ZFP41: variants seen among roughly 807,000 people sequenced by gnomAD.
ZFP41 encodes zinc finger protein 41 homolog.
A neutral mutation model predicts 11.6 loss-of-function variants in ZFP41; 10 were observed. That is an observed-to-expected ratio of 0.86 (90% confidence interval 0.53 to 1.47). The LOEUF is 1.47. Among genes scored for constraint, ZFP41 ranks in the 40% most tolerant of loss-of-function variants. The probability of loss-of-function intolerance (pLI) is 0.00; values close to 1 mark genes in which losing one functional copy is unlikely to be tolerated. For synonymous variants in ZFP41, 123 were observed against 100.9 expected (o/e 1.22, Z -1.31); for missense variants, 302 against 264.6 (o/e 1.14, Z -0.98).
In ZFP41 at chr8:143,250,509, C is replaced by G; in HGVS notation, c.*69C>G. 3 of 1,554,384 alleles carry G rather than the reference C, an allele frequency of 1.9e-6. No individual in the cohort carries two copies. The highest frequency in any genetic ancestry group is 8.7e-7 in the Non-Finnish European group (1 of 1,150,630). ...CCGGACACCTGCTCCGTGGCTCCCT[C>G]GTGTCCCGCGTCTGATGGGGGCGCA... is the stretch of plus-strand genomic sequence containing the variant. On this transcript the variant is annotated 3_prime_UTR_variant, in exon 2 of 3. Coordinates refer to ENST00000330701, the MANE Select transcript of ZFP41 (RefSeq NM_173832.6).
rs1288361788 is a variant in ZFP41, at chr8:143,250,125, G to C, written c.282G>C (p.Arg94=). Residue 94 remains arginine, a synonymous_variant, in exon 2 of 3, where the codon CGG becomes CGC. Transcript: ENST00000330701. ...CCTATGAGTGCAGTGAGTGTGGGCG[G>C]ATCTTTAAGCACAAGACAGACCACA... The part of the protein sequence containing the change: ...KKPYECSECG[R]IFKHKTDHIR... 6.2e-7 allele frequency: 1 copy of C among 1,614,156 alleles called. No individual in the cohort carries two copies. The highest frequency in any genetic ancestry group is 8.5e-7 in the Non-Finnish European group (1 of 1,180,038).
rs1161168482 is a variant in ZFP41, at chr8:143,261,809, G to A, written c.*2935G>A. On this transcript the variant is annotated 3_prime_UTR_variant, in exon 3 of 3. Coordinates refer to ENST00000330701, the MANE Select transcript of ZFP41 (RefSeq NM_173832.6). Reference sequence around the variant, plus strand: ...TCTCCAGCAGCCCCTGCCCCCACCCGCACCCCTGCACCTGCCACGCCTGTC... The same window carrying A: ...TCTCCAGCAGCCCCTGCCCCCACCCACACCCCTGCACCTGCCACGCCTGTC... 237 of 183,682 alleles carry A rather than the reference G, an allele frequency of 1.3e-3. 3 individuals are homozygous for A. The highest frequency in any genetic ancestry group is 2.2e-3 in the Non-Finnish European group (207 of 94,122). The allele number at this position is 183,682 out of a possible 1,614,324, so 11.4% of individuals were successfully genotyped here. A position where few individuals can be genotyped will look rare whatever the true frequency, so the allele number is the denominator to read the frequency against.
At chr8:143,258,641 A>T (rs1473134247) in intron 2 of ZFP41, among the ~76,000 whole-genome samples, 9 of 152,244 alleles carry the variant, frequency 5.9e-5, no homozygotes, top group Admixed American at 3.9e-4. Context: ...AAAGACAAAT[A>T]TCTAAATAGA....
At chr8:143,259,503 C>T (rs1814988017) in intron 2 of ZFP41, among the ~76,000 whole-genome samples, 2 of 152,300 alleles carry the variant, frequency 1.3e-5, no homozygotes, top group South Asian at 4.1e-4. Context: ...TCCCACCTTC[C>T]TTAACGTTTT....
chr8:143,251,677 A>G (rs1814764094), intron 2 of ZFP41, among the ~76,000 whole-genome samples: 1 of 152,184 alleles, frequency 6.6e-6, no homozygotes. Context: ...GGACTAGGGT[A>G]CACTGCCCGG....
chr8:143,257,242 AG>A (rs1814935568), intron 2 of ZFP41, among the ~76,000 whole-genome samples: 1 of 152,274 alleles, frequency 6.6e-6, no homozygotes. Flanking sequence ...CTATAATCCC[AG>A]CACTTTGGGA....
At chr8:143,252,333 C>T (rs903553481) in intron 2 of ZFP41, among the ~76,000 whole-genome samples, 2 of 152,240 alleles carry the variant, frequency 1.3e-5, no homozygotes, top group South Asian at 2.1e-4. Flanking sequence ...TGGCTGCGGA[C>T]CCAGGCAGGC....
chr8:143,249,825 G>C lies in ZFP41; in HGVS notation c.-19G>C. On this transcript the variant is annotated 5_prime_UTR_variant, in exon 2 of 3. Transcript: ENST00000330701. ...AGGTCAGCAGCCCCTTAGCCCTCAC[G>C]CTTCCAAGGAACAGAATGATGGAGA... 6.4e-7 allele frequency: 1 copy of C among 1,559,314 alleles called. No individual in the cohort carries two copies. The highest frequency in any genetic ancestry group is 8.6e-7 in the Non-Finnish European group (1 of 1,158,216).
In ZFP41 at chr8:143,250,504, TCCCTCGTGTC is replaced by T; in HGVS notation, c.*67_*76del. ...CCTCGCCGGACACCTGCTCCGTGGC[TCCCTCGTGTC>T]CCGCGTCTGATGGGGGCGCAGGGCC... On this transcript the variant is annotated 3_prime_UTR_variant, in exon 2 of 3. Coordinates refer to ENST00000330701, the MANE Select transcript of ZFP41 (RefSeq NM_173832.6). 6.4e-7 allele frequency: 1 copy of T among 1,557,276 alleles called. No homozygotes were observed.
chr8:143,252,157 C>A lies in ZFP41; in HGVS notation c.*900+817C>A, dbSNP rs1814780416. Among the ~76,000 whole-genome samples, 5 of 152,380 alleles carry A rather than the reference C, an allele frequency of 3.3e-5. No homozygotes were observed. In the South Asian group the frequency reaches 1.0e-3, roughly 32 times the overall value. On this transcript the variant is annotated intron_variant, in intron 2 of 2. Transcript: ENST00000330701. ...ATAAAACTCCCGTAAATCCCAGAAC[C>A]ACACTGTCACCCACACTAGCTTTGC...
intron 2 of ZFP41, among the ~76,000 whole-genome samples, chr8:143,253,846 C>T (rs1814840159): frequency 6.6e-6 from 1 of 152,120 alleles, no homozygotes; most frequent in Non-Finnish European, 1.5e-5. Context: ...GCAGTGGTCC[C>T]CAACCTTCTT....
chr8:143,253,759 A>G (rs1814838137), intron 2 of ZFP41, among the ~76,000 whole-genome samples: 1 of 152,170 alleles, frequency 6.6e-6, no homozygotes, highest in African/African-American at 2.4e-5. Flanking sequence ...AGATCCCTCG[A>G]GAATGGCTTG....
Position 143,249,915 on chromosome 8 carries a change from G to A in ZFP41, c.72G>A (p.Ala24=), listed in dbSNP as rs368907725. The A allele has an allele frequency of 2.9e-4, 466 of 1,613,688 alleles. No homozygotes were observed. The highest frequency in any genetic ancestry group is 1.1e-3 in the Admixed American group (66 of 59,960). Residue 24 remains alanine, a synonymous_variant, in exon 2 of 3, where the codon GCG becomes GCA. Coordinates refer to ENST00000330701, the MANE Select transcript of ZFP41 (RefSeq NM_173832.6). ...PREEADVQKS[A]LREEKVSGDR... ...AGGAGGCAGACGTGCAGAAGAGTGC[G>A]CTCAGAGAGGAGAAGGTGTCCGGGG...
chr8:143,252,037 G>A (rs1814776342), intron 2 of ZFP41, among the ~76,000 whole-genome samples: 2 of 152,218 alleles, frequency 1.3e-5, no homozygotes, highest in Admixed American at 1.3e-4. Flanking sequence ...TCGGCTCCCA[G>A]CCTCTCTCAT....
chr8:143,261,248 G>C lies in ZFP41; in HGVS notation c.*2374G>C, dbSNP rs549706742. 6.6e-6 allele frequency: 1 copy of C among 152,328 alleles called. No individual in the cohort carries two copies. Among genetic ancestry groups the C allele is most frequent in the Non-Finnish European group, 1.5e-5 (1 of 68,110 alleles). 9.4% of individuals were successfully genotyped at this position (152,328 alleles called of 1,614,324 possible). A position where few individuals can be genotyped will look rare whatever the true frequency, so the allele number is the denominator to read the frequency against. On this transcript the variant is annotated 3_prime_UTR_variant, in exon 3 of 3. Coordinates refer to ENST00000330701, the MANE Select transcript of ZFP41 (RefSeq NM_173832.6). ...TCTCCTATTGGTCCCCATTTGGGGC[G>C]CTGAGATGTGATCGTTTCTTTCCTG...
rs190985012 is a variant in ZFP41, at chr8:143,258,715, A to C, written c.*901-1060A>C. Among the ~76,000 whole-genome samples the C allele has an allele frequency of 1.9e-3, 287 of 152,390 alleles. 1 individual carries two copies. Among genetic ancestry groups the C allele is most frequent in the African/African-American group, 4.9e-3 (204 of 41,586 alleles). On this transcript the variant is annotated intron_variant, in intron 2 of 2. Coordinates refer to ENST00000330701, the MANE Select transcript of ZFP41 (RefSeq NM_173832.6). ...ACGCAGCGAGACCCCATCTCTAGAA[A>C]AAAGAAAAATGGGCAAAAGTCGCAG...
At chr8:143,256,882 C>T (rs924934907) in intron 2 of ZFP41, among the ~76,000 whole-genome samples, 1 of 152,074 alleles carries the variant, frequency 6.6e-6, no homozygotes, top group African/African-American at 2.4e-5. Context: ...GAGCTGAAGC[C>T]GGAGGCACAG....
At position 143,257,278 on chromosome 8, in the gene ZFP41, G is replaced by A. The variant is rs932927110; in HGVS notation, c.*901-2497G>A. Among the ~76,000 whole-genome samples the A allele has an allele frequency of 1.5e-4, 23 of 152,244 alleles. 1 individual carries two copies. The highest frequency in any genetic ancestry group is 2.9e-5 in the Non-Finnish European group (2 of 68,046). On this transcript the variant is annotated intron_variant, in intron 2 of 2. Coordinates refer to ENST00000330701, the MANE Select transcript of ZFP41 (RefSeq NM_173832.6). The stretch of plus-strand genomic sequence containing the variant: ...AGGCCAAGGCAGGCAGATCACCTGA[G>A]GACAGGAGTTCAAGACAAGTCATGG...
rs1324326029 is a variant in ZFP41, at chr8:143,256,313, G to A, written c.*901-3462G>A. Among the ~76,000 whole-genome samples the A allele has an allele frequency of 7.8e-5, 8 of 102,544 alleles. No homozygotes were observed. In the East Asian group the frequency reaches 7.9e-4, roughly 10 times the overall value. The allele number at this position is 102,544 out of a possible 152,430, so 67.3% of individuals were successfully genotyped here. On this transcript the variant is annotated intron_variant, in intron 2 of 2. Transcript: ENST00000330701. Reference sequence around the variant, plus strand: ...TTAGTGAGATCAGGGCTCGCCCCGCGTGCTGGTGTTAGTGAGATCAGGGCT... The same window carrying A: ...TTAGTGAGATCAGGGCTCGCCCCGCATGCTGGTGTTAGTGAGATCAGGGCT...
Sources: gnomAD v4.1 joint callset for allele counts (sites outside exome capture counted in the v4.1 genomes callset) on GRCh38, gnomAD v4.1.1 for gene constraint, MANE v1.5 for transcripts, NCBI Gene and HGNC (gene_info 2026-07-23, HGNC 2026-07-21) for gene names.